The following CNTNAP2 variants were observed in gnomAD, a reference collection of about 807,000 sequenced individuals.
CNTNAP2 encodes the protein contactin associated protein 2.
Under a neutral mutation model 155.2 loss-of-function variants are expected in CNTNAP2, and 98 were observed. The observed-to-expected ratio is 0.63, with a 90% CI of 0.54 to 0.75. The LOEUF is 0.75. Ranked by LOEUF, CNTNAP2 falls within the 30% of genes least tolerant of loss-of-function variation. CNTNAP2 has a pLI of 0.00. For synonymous variants in CNTNAP2, 651 were observed against 631.2 expected (o/e 1.03, Z -0.47); for missense variants, 1,727 against 1,688.1 (o/e 1.02, Z -0.40).
At chr7:147,535,679 G>A (rs975051733) in intron 11 of CNTNAP2, among the ~76,000 whole-genome samples, 3 of 152,152 alleles carry the variant, frequency 2.0e-5, no homozygotes, top group African/African-American at 7.2e-5. Context: ...TGGCTCCTCG[G>A]TGTCTCTGTG....
At chr7:148,409,801 C>T (rs1344008386) in intron 23 of CNTNAP2, among the ~76,000 whole-genome samples, 1 of 104,844 alleles carries the variant, frequency 9.5e-6, no homozygotes, top group African/African-American at 4.1e-5. Context: ...CCTGTAATCC[C>T]AGCACTTTGG....
At chr7:147,379,222 C>A (rs1240778218) in intron 9 of CNTNAP2, among the ~76,000 whole-genome samples, 1 of 152,066 alleles carries the variant, frequency 6.6e-6, no homozygotes, top group Non-Finnish European at 1.5e-5. Flanking sequence ...AGTATGAGAA[C>A]AGCCTATTAC....
intron 12 of CNTNAP2, among the ~76,000 whole-genome samples, chr7:147,580,802 G>A (rs1800485924): frequency 6.6e-6 from 1 of 152,224 alleles, no homozygotes; most frequent in Middle Eastern, 3.4e-3. Flanking sequence ...TTTTAGCAGA[G>A]GCAGGGTTTC....
At chr7:147,192,956 T>C (rs1018073) in intron 8 of CNTNAP2, among the ~76,000 whole-genome samples, 53,442 of 152,046 alleles carry the variant, frequency 0.35, 10,565 homozygotes, top group East Asian at 0.6. Flanking sequence ...GTGAACAGAA[T>C]TGTATTTTTG....
intron 18 of CNTNAP2, among the ~76,000 whole-genome samples, chr7:148,211,562 A>G (rs1795550932): frequency 6.6e-6 from 1 of 152,176 alleles, no homozygotes; most frequent in South Asian, 2.1e-4. Context: ...CAGTATTGAC[A>G]TCATGGGAAA....
intron 15 of CNTNAP2, among the ~76,000 whole-genome samples, chr7:148,043,454 C>T (rs1332439395): frequency 6.6e-6 from 1 of 152,214 alleles, no homozygotes; most frequent in African/African-American, 2.4e-5. Flanking sequence ...ACAGCACTGG[C>T]TTTCACCTGT....
intron 8 of CNTNAP2, among the ~76,000 whole-genome samples, chr7:147,182,882 A>T (rs1382005307): frequency 6.6e-6 from 1 of 152,186 alleles, no homozygotes; most frequent in Non-Finnish European, 1.5e-5. Flanking sequence ...TCATCTTCAT[A>T]CTTATTAGAA....
chr7:147,145,484 G>T (rs781348352), intron 8 of CNTNAP2, among the ~76,000 whole-genome samples: 9 of 152,124 alleles, frequency 5.9e-5, no homozygotes, highest in Non-Finnish European at 8.8e-5. Context: ...ATAGCATGCA[G>T]GTTGACCACC....
chr7:146,808,805 T>G (rs774889316), intron 2 of CNTNAP2, among the ~76,000 whole-genome samples: 5 of 152,178 alleles, frequency 3.3e-5, no homozygotes, highest in Non-Finnish European at 7.4e-5. Flanking sequence ...GTACAGTATT[T>G]TTCTTTGTTT....
intron 17 of CNTNAP2, among the ~76,000 whole-genome samples, chr7:148,160,246 A>C (rs966430009): frequency 1.3e-5 from 2 of 151,644 alleles, no homozygotes; most frequent in Non-Finnish European, 2.9e-5. Context: ...TCTCAAAAGA[A>C]AGAGAAAATG....
intron 1 of CNTNAP2, among the ~76,000 whole-genome samples, chr7:146,252,347 A>T (rs142023622): frequency 8.8e-4 from 134 of 152,310 alleles, no homozygotes; most frequent in Non-Finnish European, 1.6e-3. Flanking sequence ...TGTATTACAT[A>T]TGCCACCAAA....
In CNTNAP2 at chr7:147,390,204, G is replaced by A. The variant is rs149914771; in HGVS notation, c.1499-5405G>A. ...TAGCTCATTGTTGACTAAGGGAACT[G>A]TCAATATTCCACCAGTTACATAATG... On this transcript the variant is annotated intron_variant, in intron 9 of 23. Coordinates refer to ENST00000361727, the MANE Select transcript of CNTNAP2 (RefSeq NM_014141.6). 1.8e-3 allele frequency among the ~76,000 whole-genome samples: 278 copies of A among 152,268 alleles called. 3 individuals are homozygous for A. The highest frequency in any genetic ancestry group is 2.2e-4 in the Non-Finnish European group (15 of 68,032).
intron 10 of CNTNAP2, among the ~76,000 whole-genome samples, chr7:147,421,664 T>C (rs1797293483): frequency 6.6e-6 from 1 of 151,412 alleles, no homozygotes; most frequent in Admixed American, 6.6e-5. Flanking sequence ...GATATTGATA[T>C]AGTTTGGATA....
chr7:148,154,975 A>G (rs768727487), intron 17 of CNTNAP2, among the ~76,000 whole-genome samples: 1 of 152,030 alleles, frequency 6.6e-6, no homozygotes, highest in Non-Finnish European at 1.5e-5. Flanking sequence ...TGCAGGAATT[A>G]TAACCTAGAG....
At chr7:146,993,255 T>A (rs1798242500) in intron 3 of CNTNAP2, among the ~76,000 whole-genome samples, 1 of 152,190 alleles carries the variant, frequency 6.6e-6, no homozygotes, top group African/African-American at 2.4e-5. Flanking sequence ...CCCCTGATTC[T>A]TGCCTTGGGG....
intron 15 of CNTNAP2, among the ~76,000 whole-genome samples, chr7:148,070,462 A>T (rs1056119936): frequency 1.3e-5 from 2 of 152,248 alleles, no homozygotes; most frequent in African/African-American, 4.8e-5. Flanking sequence ...TCATGCCTGT[A>T]ATCCCAGCAC....
chr7:146,725,319 A>G (rs1382295303), intron 1 of CNTNAP2, among the ~76,000 whole-genome samples: 1 of 152,176 alleles, frequency 6.6e-6, no homozygotes, highest in Non-Finnish European at 1.5e-5. Context: ...ACCTTTGCAG[A>G]CATTATAACA....
Position 147,916,183 on chromosome 7 carries a change from CTGTTAT to C in CNTNAP2, c.2255+12465_2255+12470del, listed in dbSNP as rs1384455843. On this transcript the variant is annotated intron_variant, in intron 14 of 23. Coordinates refer to ENST00000361727, the MANE Select transcript of CNTNAP2 (RefSeq NM_014141.6). Reference sequence around the variant, plus strand: ...TTCTGCAGCCCTGTGAGTGAAACACCTGTTATTGGCAATGGGGAAGGGGAAATGTCC... The same window carrying C: ...TTCTGCAGCCCTGTGAGTGAAACACCTGGCAATGGGGAAGGGGAAATGTCC... Among the ~76,000 whole-genome samples the C allele has an allele frequency of 4.6e-5, 7 of 152,226 alleles. No individual in the cohort carries two copies. In the East Asian group the frequency reaches 1.2e-3, roughly 25 times the overall value.
intron 1 of CNTNAP2, among the ~76,000 whole-genome samples, chr7:146,516,992 A>T (rs1438347831): frequency 1.3e-5 from 2 of 151,994 alleles, no homozygotes; most frequent in African/African-American, 4.8e-5. Flanking sequence ...TTAGTTACCC[A>T]TGGCCAACTG....
Sources: gnomAD v4.1 joint callset for allele counts (sites outside exome capture counted in the v4.1 genomes callset) on GRCh38, gnomAD v4.1.1 for gene constraint, MANE v1.5 for transcripts, NCBI Gene and HGNC (gene_info 2026-07-23, HGNC 2026-07-21) for gene names.